The following SMARCAD1 variants were observed in gnomAD, a reference collection of about 807,000 sequenced individuals.
SMARCAD1 encodes SWI/SNF-related matrix-associated actin-dependent regulator of chromatin subfamily A containing DEAD/H box 1.
Under a neutral mutation model 127.1 loss-of-function variants are expected in SMARCAD1, and 25 were observed. That is an observed-to-expected ratio of 0.20 (90% CI 0.14 to 0.27). The LOEUF (loss-of-function observed/expected upper bound fraction) is 0.27, where lower values mean the gene tolerates loss of function less well. SMARCAD1 is among the 10% of genes least tolerant of loss of function. The probability of loss-of-function intolerance (pLI) is 1.00; values close to 1 mark genes in which losing one functional copy is unlikely to be tolerated. For synonymous variants in SMARCAD1, 400 were observed against 396.9 expected (o/e 1.01, Z -0.09); for missense variants, 807 against 1,206.0 (o/e 0.67, Z 4.90).
chr4:94,222,186 C>G (rs1290956762), intron 2 of SMARCAD1, among the ~76,000 whole-genome samples: 1 of 152,170 alleles, frequency 6.6e-6, no homozygotes, highest in African/African-American at 2.4e-5. Flanking sequence ...ACTACAATTT[C>G]TCCAGTGTTG....
chr4:94,269,435 T>A (rs955745606), intron 10 of SMARCAD1, among the ~76,000 whole-genome samples: 4 of 151,972 alleles, frequency 2.6e-5, no homozygotes, highest in Non-Finnish European at 5.9e-5. Flanking sequence ...GAGATCGACA[T>A]CCTGAATTAA....
intron 6 of SMARCAD1, among the ~76,000 whole-genome samples, chr4:94,244,601 C>T (rs1560534310): frequency 6.6e-6 from 1 of 152,182 alleles, no homozygotes; most frequent in Non-Finnish European, 1.5e-5. Context: ...AATAATGTCA[C>T]TCACCAAACT....
chr4:94,269,539 T>C (rs1245809088), intron 10 of SMARCAD1, among the ~76,000 whole-genome samples: 1 of 152,106 alleles, frequency 6.6e-6, no homozygotes, highest in Non-Finnish European at 1.5e-5. Flanking sequence ...GTAACTACTT[T>C]ATGGGATTTT....
intron 9 of SMARCAD1, among the ~76,000 whole-genome samples, chr4:94,257,776 C>A (rs1341305317): frequency 6.6e-6 from 1 of 152,010 alleles, no homozygotes; most frequent in Non-Finnish European, 1.5e-5. Context: ...TTGTTCTGAT[C>A]ACCTCCATAT....
chr4:94,270,850 T>G (rs1350432571), intron 11 of SMARCAD1, 32 bp downstream of exon 11: 2 of 1,589,394 alleles, frequency 1.3e-6, no homozygotes, highest in South Asian at 2.2e-5. Flanking sequence ...GATTTGTTGT[T>G]GAAAGTGTCA....
intron 9 of SMARCAD1, among the ~76,000 whole-genome samples, chr4:94,260,891 A>G (rs1005518372): frequency 6.6e-6 from 1 of 152,206 alleles, no homozygotes; most frequent in Non-Finnish European, 1.5e-5. Context: ...TTTTTAATAA[A>G]TAAAAAGACA....
chr4:94,274,110 T>A (rs1752933370), intron 12 of SMARCAD1, among the ~76,000 whole-genome samples: 1 of 152,178 alleles, frequency 6.6e-6, no homozygotes, highest in Non-Finnish European at 1.5e-5. Context: ...GAAGTTAGAA[T>A]AAGAGAATAT....
At chr4:94,240,097 G>A (rs775748672) in intron 5 of SMARCAD1, among the ~76,000 whole-genome samples, 3 of 152,106 alleles carry the variant, frequency 2.0e-5, no homozygotes, top group Admixed American at 6.5e-5. Context: ...ATGTATTTGA[G>A]CTGCATAGTT....
chr4:94,209,775 A>AT (rs1160310259), intron 2 of SMARCAD1, among the ~76,000 whole-genome samples: 2 of 152,232 alleles, frequency 1.3e-5, no homozygotes, highest in Non-Finnish European at 2.9e-5. Flanking sequence ...CAACTGAAGG[A>AT]TTTTAAGCAC....
chr4:94,213,029 G>A, intron 2 of SMARCAD1: 1 of 1,244,170 alleles, frequency 8.0e-7, no homozygotes, highest in Non-Finnish European at 1.1e-6. Flanking sequence ...ACTTTTGGGA[G>A]TACAGTGAGT....
intron 6 of SMARCAD1, among the ~76,000 whole-genome samples, chr4:94,242,202 T>C (rs966287967): frequency 2.0e-5 from 3 of 146,652 alleles, no homozygotes; most frequent in African/African-American, 7.4e-5. Context: ...CCCAGCTGTT[T>C]TTTTGTTTTT....
rs1754353335 is a variant in SMARCAD1, at chr4:94,283,131, A to G, written c.2737A>G (p.Ile913Val). ...KTQISERIHLIDEFNTDMDIF... is the reference protein window; with the variant it reads ...KTQISERIHLVDEFNTDMDIF... Reference sequence around the variant, plus strand: ...TTGTTTATCTTACAGGATTCATCTAATTGATGAGTTTAATACCGATATGGA... The same window carrying G: ...TTGTTTATCTTACAGGATTCATCTAGTTGATGAGTTTAATACCGATATGGA... The change falls in exon 22 of 24, where the codon ATT becomes GTT. Residue 913 changes from isoleucine to valine, a missense_variant. Physicochemically the swap from Ile to Val is conservative, Grantham distance 29 (BLOSUM62 3). Around this residue, in one of 8 missense-constraint regions of SMARCAD1, gnomAD observed 44 missense variants for 119.1 expected, o/e 0.37. Coordinates refer to ENST00000354268, the MANE Select transcript of SMARCAD1 (RefSeq NM_020159.5). 6.2e-7 allele frequency: 1 copy of G among 1,612,196 alleles called. No homozygotes were observed. Among genetic ancestry groups the G allele is most frequent in the African/African-American group, 1.3e-5 (1 of 74,854 alleles).
At chr4:94,259,052 C>T (rs1174808070) in intron 9 of SMARCAD1, among the ~76,000 whole-genome samples, 1 of 152,138 alleles carries the variant, frequency 6.6e-6, no homozygotes, top group Non-Finnish European at 1.5e-5. Context: ...GGCACATTAC[C>T]CACAATATAT....
At position 94,289,576 on chromosome 4, in the gene SMARCAD1, T is replaced by G; in HGVS notation, c.*42T>G. On this transcript the variant is annotated 3_prime_UTR_variant, in exon 24 of 24. Transcript: ENST00000354268. ...TCTCAATTGATGAGGAAATATCAACTTGGTGCACTCAAGGACATTTACATT... is the reference window on the plus strand; with the variant it reads ...TCTCAATTGATGAGGAAATATCAACGTGGTGCACTCAAGGACATTTACATT... The G allele has an allele frequency of 6.8e-7, 1 of 1,472,028 alleles. No individual in the cohort carries two copies. The allele number at this position is 1,472,028 out of a possible 1,614,324, so 91.2% of individuals were successfully genotyped here.
intron 4 of SMARCAD1, among the ~76,000 whole-genome samples, chr4:94,236,692 A>G (rs549667556): frequency 6.6e-6 from 1 of 152,274 alleles, no homozygotes; most frequent in African/African-American, 2.4e-5. Context: ...AAAATACTGT[A>G]TATATGTGAT....
chr4:94,271,463 A>G (rs750006571), intron 11 of SMARCAD1, among the ~76,000 whole-genome samples: 20 of 152,168 alleles, frequency 1.3e-4, no homozygotes, highest in Non-Finnish European at 2.6e-4. Flanking sequence ...TTTGAAGTGT[A>G]TATTTAAAAT....
chr4:94,226,232 G>A lies in SMARCAD1; in HGVS notation c.304G>A (p.Val102Ile), dbSNP rs200948051. 33 of 1,613,190 alleles carry A rather than the reference G, an allele frequency of 2.0e-5. No homozygotes were observed. Among genetic ancestry groups the A allele is most frequent in the South Asian group, 7.7e-5 (7 of 91,070 alleles). The change falls in exon 3 of 24, where the codon GTT (valine) becomes ATT (isoleucine). Residue 102 changes from valine to isoleucine, a missense_variant. By Grantham distance (29) the Val-to-Ile change is conservative (BLOSUM62 3). Around this residue, in one of 8 missense-constraint regions of SMARCAD1, gnomAD observed 175 missense variants for 169.5 expected, o/e 1.03. Coordinates refer to ENST00000354268, the MANE Select transcript of SMARCAD1 (RefSeq NM_020159.5). ...TTTGTCTTCTGATAGTGAAGATGTC[G>A]TTTCCCCAAATTGCTCCAATACAGT... ...IDLSSDSEDV[V>I]SPNCSNTVQE...
chr4:94,219,759 A>G (rs1743801556), intron 2 of SMARCAD1, among the ~76,000 whole-genome samples: 2 of 152,182 alleles, frequency 1.3e-5, no homozygotes, highest in African/African-American at 2.4e-5. Context: ...TTCATTTAGC[A>G]TTTTGTGTAT....
rs555288811 is a variant in SMARCAD1 at position 94,246,061 on chromosome 4, T to A, written c.706-3593T>A. Among the ~76,000 whole-genome samples, 8 of 151,968 alleles carry A rather than the reference T, an allele frequency of 5.3e-5. No homozygotes were observed. The South Asian group carries it at 1.7e-3, about 32-fold the overall frequency. Reference sequence around the variant, plus strand: ...AGTGGCGGAGTACCTTGTATTGCACTCTGGACCTGGTACAGAGCCGTCTCT... The same window carrying A: ...AGTGGCGGAGTACCTTGTATTGCACACTGGACCTGGTACAGAGCCGTCTCT... On this transcript the variant is annotated intron_variant, in intron 6 of 23. Coordinates refer to ENST00000354268, the MANE Select transcript of SMARCAD1 (RefSeq NM_020159.5).
Sources: allele counts gnomAD v4.1 joint callset (sites outside exome capture counted in the v4.1 genomes callset), GRCh38; gene constraint gnomAD v4.1.1; regional missense constraint gnomAD v4.1.1; transcripts MANE v1.5; gene names NCBI Gene and HGNC (gene_info 2026-07-23, HGNC 2026-07-21).